The following CRYBG1 variants were observed in gnomAD, a reference collection of about 807,000 sequenced individuals.
The protein encoded by CRYBG1 is crystallin beta-gamma domain containing 1, also known as beta/gamma crystallin domain-containing protein 1.
Under a neutral mutation model 189.2 loss-of-function variants are expected in CRYBG1, and 139 were observed. The ratio of observed to expected loss-of-function variants is 0.73; its 90% CI spans 0.64 to 0.85. The LOEUF is 0.85. CRYBG1 is among the 40% of genes least tolerant of loss of function. CRYBG1 has a pLI of 0.00. For missense variants in CRYBG1, 2,611 were observed against 2,675.8 expected, an observed-to-expected ratio of 0.98 and a Z score of 0.53; for synonymous variants, 1,023 against 1,017.1, an observed-to-expected ratio of 1.01 and a Z score of -0.11.
At chr6:106,470,482 G>T (rs1169298561) in intron 2 of CRYBG1, among the ~76,000 whole-genome samples, 1 of 151,982 alleles carries the variant, frequency 6.6e-6, no homozygotes. Flanking sequence ...CTGAGGCAGG[G>T]AATTGCTTGA....
At chr6:106,391,500 T>C (rs1261317582) in intron 1 of CRYBG1, among the ~76,000 whole-genome samples, 1 of 152,236 alleles carries the variant, frequency 6.6e-6, no homozygotes, top group Admixed American at 6.5e-5. Context: ...ACAAATCTAT[T>C]GGCCATTTGA....
chr6:106,513,829 T>C (rs1024635124), intron 3 of CRYBG1, among the ~76,000 whole-genome samples: 1 of 152,234 alleles, frequency 6.6e-6, no homozygotes, highest in African/African-American at 2.4e-5. Flanking sequence ...TTCCTCCTTG[T>C]GCTGCATGAA....
intron 1 of CRYBG1, among the ~76,000 whole-genome samples, chr6:106,402,058 GA>G (rs1770730055): frequency 8.0e-6 from 1 of 124,640 alleles, no homozygotes; most frequent in Non-Finnish European, 1.7e-5. Flanking sequence ...TTGCTTCAAA[GA>G]GAATAAAATA....
intron 2 of CRYBG1, among the ~76,000 whole-genome samples, chr6:106,469,861 ACT>A: frequency 6.6e-6 from 1 of 152,222 alleles, no homozygotes; most frequent in Non-Finnish European, 1.5e-5. Context: ...AGCTTTGACA[ACT>A]CTGCCCCAAG....
intron 2 of CRYBG1, among the ~76,000 whole-genome samples, chr6:106,492,649 C>T (rs902479606): frequency 2.0e-5 from 3 of 151,620 alleles, no homozygotes; most frequent in Non-Finnish European, 2.9e-5. Context: ...GCTTCTTCTA[C>T]GCAGGCCATC....
chr6:106,509,822 A>C (rs1773209077), intron 2 of CRYBG1, among the ~76,000 whole-genome samples: 1 of 151,472 alleles, frequency 6.6e-6, no homozygotes, highest in Non-Finnish European at 1.5e-5. Context: ...TCTCCCCCCC[A>C]CCCCAATTTT....
At chr6:106,549,661 G>C (rs942701058) in intron 13 of CRYBG1, among the ~76,000 whole-genome samples, 1 of 151,970 alleles carries the variant, frequency 6.6e-6, no homozygotes, top group African/African-American at 2.4e-5. Context: ...GATGGGGGGT[G>C]GTAGGGGGCT....
intron 2 of CRYBG1, among the ~76,000 whole-genome samples, chr6:106,454,456 G>A (rs969593393): frequency 6.6e-6 from 1 of 152,154 alleles, no homozygotes; most frequent in African/African-American, 2.4e-5. Flanking sequence ...TATTCACAGT[G>A]AGTTCTAGGG....
chr6:106,365,689 T>TTTTTTTTTTTTTTTTTGAGACGG (rs1491250866), intron 1 of CRYBG1, among the ~76,000 whole-genome samples: 5 of 124,344 alleles, frequency 4.0e-5, no homozygotes, highest in Non-Finnish European at 7.1e-5. Context: ...TATTTTTTTT[T>TTTTTTTTTTTTTTTTTGAGACGG]AAAAAAAGCA....
chr6:106,390,622 C>T (rs1015083328), intron 1 of CRYBG1, among the ~76,000 whole-genome samples: 1 of 152,116 alleles, frequency 6.6e-6, no homozygotes, highest in Admixed American at 6.6e-5. Context: ...AACTACCATT[C>T]TGACTTCCAT....
At chr6:106,443,910 A>G (rs1001454268) in intron 1 of CRYBG1, among the ~76,000 whole-genome samples, 2 of 152,214 alleles carry the variant, frequency 1.3e-5, no homozygotes, top group African/African-American at 2.4e-5. Context: ...TGTACAATAA[A>G]GTAGTGTTGA....
At chr6:106,555,431 G>C (rs1323541642) in intron 16 of CRYBG1, among the ~76,000 whole-genome samples, 2 of 152,124 alleles carry the variant, frequency 1.3e-5, no homozygotes, top group Non-Finnish European at 2.9e-5. Flanking sequence ...CTTGAAGAAG[G>C]ATTATTCAAA....
chr6:106,399,386 C>T (rs997715479), intron 1 of CRYBG1, among the ~76,000 whole-genome samples: 13 of 152,220 alleles, frequency 8.5e-5, no homozygotes, highest in Admixed American at 3.3e-4. Context: ...AAAAAGATAA[C>T]TCACTACTTT....
intron 1 of CRYBG1, among the ~76,000 whole-genome samples, chr6:106,426,130 C>A (rs1448449531): frequency 1.3e-5 from 2 of 152,052 alleles, no homozygotes; most frequent in Non-Finnish European, 2.9e-5. Flanking sequence ...ATATAGAATC[C>A]CACACCCACC....
At chr6:106,543,100 T>C (rs951930943) in intron 10 of CRYBG1, among the ~76,000 whole-genome samples, 3 of 151,440 alleles carry the variant, frequency 2.0e-5, no homozygotes, top group Admixed American at 6.6e-5. Flanking sequence ...TGACGTGATC[T>C]CGGCTCACTT....
At chr6:106,531,496 A>G (rs992738089) in intron 8 of CRYBG1, among the ~76,000 whole-genome samples, 1 of 152,164 alleles carries the variant, frequency 6.6e-6, no homozygotes. Context: ...GAACTTTCTG[A>G]TGGTTAATAC....
At position 106,561,345 on chromosome 6, in the gene CRYBG1, C is replaced by T. The variant is rs117237850; in HGVS notation, c.5983C>T (p.Arg1995Ter). The T allele has an allele frequency of 2.2e-5, 35 of 1,613,506 alleles. 1 individual carries two copies. The South Asian group carries it at 2.6e-4, about 12-fold the overall frequency. ...TGCTGGGGGTTTTGTCTTCTAGAAG[C>T]GAATTTATTTCAGACTTCGAAACAA... Reference protein sequence around the residue: ...IGSLRPFVQKRIYFRLRNKAT... With the variant: ...IGSLRPFVQK Residue 1995 changes from arginine to a stop codon, truncating the protein, a stop_gained, in exon 20 of 22, where the codon CGA (arginine) becomes TGA (stop). Coordinates refer to ENST00000633556, the MANE Select transcript of CRYBG1 (RefSeq NM_001371242.2). LOFTEE classifies it high-confidence loss of function.
At chr6:106,497,482 C>T (rs1346182333) in intron 2 of CRYBG1, among the ~76,000 whole-genome samples, 20 of 152,190 alleles carry the variant, frequency 1.3e-4, no homozygotes, top group Admixed American at 1.3e-3. Flanking sequence ...CCCTGCACCC[C>T]TTAGTAGCAG....
At chr6:106,536,228 CCAAA>C (rs58583403) in intron 8 of CRYBG1, among the ~76,000 whole-genome samples, 45,486 of 151,798 alleles carry the variant, frequency 0.3, 7,081 homozygotes, top group South Asian at 0.37. Context: ...TAGGTTCAGG[CCAAA>C]CAGTTTTGGC....
Sources: gnomAD v4.1 joint callset for allele counts (sites outside exome capture counted in the v4.1 genomes callset) on GRCh38, gnomAD v4.1.1 for gene constraint, MANE v1.5 for transcripts, NCBI Gene and HGNC (gene_info 2026-07-23, HGNC 2026-07-21) for gene names.